MCOLN1: variants seen among roughly 807,000 people sequenced by gnomAD.
MCOLN1 encodes mucolipin TRP cation channel 1.
In MCOLN1, 50 loss-of-function variants were observed where a neutral mutation model predicts 70.3. The observed-to-expected ratio is 0.71, with a 90% CI of 0.57 to 0.90. MCOLN1 has a LOEUF of 0.90. Among genes scored for constraint, MCOLN1 ranks in the 40% least tolerant of loss-of-function variants. The pLI is 0.00. For missense variants in MCOLN1, 598 were observed against 803.5 expected, an observed-to-expected ratio of 0.74 and a Z score of 3.09; for synonymous variants, 366 against 341.0, an observed-to-expected ratio of 1.07 and a Z score of -0.81.
intron 12 of MCOLN1, among the ~76,000 whole-genome samples, chr19:7,533,113 C>G (rs1177497377): frequency 6.6e-6 from 1 of 152,252 alleles, no homozygotes; most frequent in Non-Finnish European, 1.5e-5. Flanking sequence ...GCCCTTGGAA[C>G]TACTTCCTGT....
In MCOLN1 at chr19:7,526,493, A is replaced by T. The variant is rs748188749; in HGVS notation, c.292A>T (p.Thr98Ser). The change falls in exon 3 of 14, where the codon ACC becomes TCC. Residue 98 changes from threonine to serine, a missense_variant. This residue lies in a region of MCOLN1 where 461 missense variants were observed against 588.4 expected (regional missense o/e 0.78). Transcript: ENST00000264079. This position sits in a 1 kb window ranked among gnomAD's most constrained non-coding sequence, Gnocchi z 4.6. ...GGCTGTGACATTCCGGGAAGAGAAC[A>T]CCATCGCCTTCCGACACCTCTTCCT... ...QLAVTFREEN[T>S]IAFRHLFLLG... The T allele has an allele frequency of 6.2e-7, 1 of 1,614,224 alleles. No individual in the cohort carries two copies. Among genetic ancestry groups the T allele is most frequent in the South Asian group, 1.1e-5 (1 of 91,088 alleles).
chr19:7,525,189 C>A lies in MCOLN1; in HGVS notation c.237+23C>A, dbSNP rs776754570. The stretch of plus-strand genomic sequence containing the variant: ...CAGGTGAGGCCAGCCAAGCAGGGGC[C>A]CCAGCTGAAGGCCACCTGTGGCTGC... On this transcript the variant is annotated intron_variant, in intron 2 of 13. Coordinates refer to ENST00000264079, the MANE Select transcript of MCOLN1 (RefSeq NM_020533.3). This position sits in a 1 kb window ranked among gnomAD's most constrained non-coding sequence, Gnocchi z 4.2. 2 of 1,611,304 alleles carry A rather than the reference C, an allele frequency of 1.2e-6. No homozygotes were observed. The highest frequency in any genetic ancestry group is 1.7e-6 in the Non-Finnish European group (2 of 1,178,040).
rs1264182663 is a variant in MCOLN1, at chr19:7,526,938, G to C, written c.571+12G>C. ...GATGGTGGTTACTGGTGAGTGGGCAGGACGAGGCTTCACTGTTGGGAGCCT... is the reference window on the plus strand; with the variant it reads ...GATGGTGGTTACTGGTGAGTGGGCACGACGAGGCTTCACTGTTGGGAGCCT... On this transcript the variant is annotated intron_variant, in intron 4 of 13. Coordinates refer to ENST00000264079, the MANE Select transcript of MCOLN1 (RefSeq NM_020533.3). The surrounding 1 kb of genome is among the most constrained non-coding windows in gnomAD (Gnocchi z 4.6). The C allele has an allele frequency of 6.2e-7, 1 of 1,614,042 alleles. No homozygotes were observed.
Position 7,528,095 on chromosome 19 carries a change from G to A in MCOLN1, c.778-63G>A, listed in dbSNP as rs1182206305. 1.3e-6 allele frequency: 2 copies of A among 1,582,826 alleles called. No homozygotes were observed. The highest frequency in any genetic ancestry group is 1.7e-6 in the Non-Finnish European group (2 of 1,151,752). On this transcript the variant is annotated intron_variant, in intron 6 of 13. Coordinates refer to ENST00000264079, the MANE Select transcript of MCOLN1 (RefSeq NM_020533.3). The surrounding 1 kb of genome is among the most constrained non-coding windows in gnomAD (Gnocchi z 4.2). ...GAGCCCGGGGTCTGTCAGGCCACCT[G>A]TCATGTGGACCTTGGGGCTTGGGGC... is the stretch of plus-strand genomic sequence containing the variant.
chr19:7,522,634 T>C lies in MCOLN1; in HGVS notation c.-117T>C. 1 of 1,113,130 alleles carries C rather than the reference T, an allele frequency of 9.0e-7. No individual in the cohort carries two copies. The highest frequency in any genetic ancestry group is 1.2e-6 in the Non-Finnish European group (1 of 820,086). 69.0% of individuals were successfully genotyped at this position (1,113,130 alleles called of 1,614,324 possible). On this transcript the variant is annotated 5_prime_UTR_variant, in exon 1 of 14. Transcript: ENST00000264079. The stretch of plus-strand genomic sequence containing the variant: ...TCACGTGACCGAGGCACAGATCAGC[T>C]GATGCCGGAGGGTTTGAAGCCGCGC...
At position 7,525,098 on chromosome 19, in the gene MCOLN1, C is replaced by T. The variant is rs765577483; in HGVS notation, c.169C>T (p.Arg57Ter). ...TTTCATGAGTCCCTGCGACAAGTTT[C>T]GAGCCAAGGGCCGCAAGCCCTGCAA... ...YFFMSPCDKF[R>*]AKGRKPCKLM... Residue 57 changes from arginine (R) to a stop codon, truncating the protein, a stop_gained, in exon 2 of 14, where the codon CGA (arginine) becomes TGA (stop). Transcript: ENST00000264079. LOFTEE classifies it high-confidence loss of function. The surrounding 1 kb of genome is among the most constrained non-coding windows in gnomAD (Gnocchi z 4.2). 8 of 1,614,178 alleles carry T rather than the reference C, an allele frequency of 5.0e-6. No homozygotes were observed. Among genetic ancestry groups the T allele is most frequent in the Admixed American group, 1.7e-5 (1 of 60,016 alleles).
At chr19:7,530,121 C>G (rs1210781690) in intron 11 of MCOLN1, among the ~76,000 whole-genome samples, 165 bp from the exon 12 acceptor site, 1 of 151,924 alleles carries the variant, frequency 6.6e-6, no homozygotes, top group African/African-American at 2.4e-5. Flanking sequence ...GGGGCCCTAG[C>G]CTGGAACCCG....
At chr19:7,530,159 G>A (rs1451425895) in intron 11 of MCOLN1, 127 bp from the exon 12 acceptor site, 4 of 788,906 alleles carry the variant, frequency 5.1e-6, no homozygotes, top group Non-Finnish European at 8.7e-6. Context: ...CGCAGCCCGG[G>A]ACCCGGCCAT....
Position 7,524,857 on chromosome 19 carries a change from G to A in MCOLN1, c.32-104G>A. The A allele has an allele frequency of 1.1e-6, 1 of 919,022 alleles. No individual in the cohort carries two copies. Among genetic ancestry groups the A allele is most frequent in the Non-Finnish European group, 1.8e-6 (1 of 569,060 alleles). The allele number at this position is 919,022 out of a possible 1,614,324, so 56.9% of individuals were successfully genotyped here. A position where few individuals can be genotyped will look rare whatever the true frequency, so the allele number is the denominator to read the frequency against. On this transcript the variant is annotated intron_variant, in intron 1 of 13. Coordinates refer to ENST00000264079, the MANE Select transcript of MCOLN1 (RefSeq NM_020533.3). The surrounding 1 kb of genome is among the most constrained non-coding windows in gnomAD (Gnocchi z 4.1). Reference sequence around the variant, plus strand: ...CTCTCAGAGCTCTTCCTTGGCAGGAGCATGGGGACATGAAGATAGGGCGTG... The same window carrying A: ...CTCTCAGAGCTCTTCCTTGGCAGGAACATGGGGACATGAAGATAGGGCGTG...
At chr19:7,529,808 G>T in intron 11 of MCOLN1, 96 bp downstream of exon 11, 1 of 1,446,080 alleles carries the variant, frequency 6.9e-7, no homozygotes. Context: ...CTGGGAGTCT[G>T]TCCACTGTCC....
chr19:7,529,887 A>G (rs1219886150), intron 11 of MCOLN1, among the ~76,000 whole-genome samples, 175 bp downstream of exon 11: 1 of 152,010 alleles, frequency 6.6e-6, no homozygotes, highest in Non-Finnish European at 1.5e-5. Context: ...TGATGACCCT[A>G]TTTCGACCTG....
chr19:7,528,916 C>T lies in MCOLN1; in HGVS notation c.1080C>T (p.Thr360=), dbSNP rs772240244. 4 of 1,614,158 alleles carry T rather than the reference C, an allele frequency of 2.5e-6. No individual in the cohort carries two copies. The Admixed American group carries it at 5.0e-5, about 20-fold the overall frequency. ...ATGGCTGGTACATCCTGCTCGTCAC[C>T]AGCGATGTGCTCACCATCTCGGGCA... is the stretch of plus-strand genomic sequence containing the variant. ...FVNGWYILLV[T]SDVLTISGTI... Residue 360 remains threonine (T), a synonymous_variant, in exon 9 of 14, where the codon ACC becomes ACT. Coordinates refer to ENST00000264079, the MANE Select transcript of MCOLN1 (RefSeq NM_020533.3). This position sits in a 1 kb window ranked among gnomAD's most constrained non-coding sequence, Gnocchi z 4.2.
chr19:7,526,654 C>T lies in MCOLN1; in HGVS notation c.405+48C>T, dbSNP rs376251815. 8.2e-5 allele frequency: 86 copies of T among 1,046,784 alleles called. No individual in the cohort carries two copies. The highest frequency in any genetic ancestry group is 1.0e-4 in the Non-Finnish European group (78 of 754,886). The allele number at this position is 1,046,784 out of a possible 1,614,324, so 64.8% of individuals were successfully genotyped here. A position where few individuals can be genotyped will look rare whatever the true frequency, so the allele number is the denominator to read the frequency against. ...TGGTGGGCAGGCAGGTGCAGGTGGGCGGGCAGGTGCAGTTGGGCGGGCAGG... is the reference window on the plus strand; with the variant it reads ...TGGTGGGCAGGCAGGTGCAGGTGGGTGGGCAGGTGCAGTTGGGCGGGCAGG... On this transcript the variant is annotated intron_variant, in intron 3 of 13. Transcript: ENST00000264079. The surrounding 1 kb of genome is among the most constrained non-coding windows in gnomAD (Gnocchi z 4.6).
In MCOLN1 at chr19:7,522,792, G is replaced by C. The variant is rs1471519469; in HGVS notation, c.31+11G>C. On this transcript the variant is annotated intron_variant, in intron 1 of 13. Coordinates refer to ENST00000264079, the MANE Select transcript of MCOLN1 (RefSeq NM_020533.3). ...GTCCGCGCGGCTCAGGTGAGGGCGC[G>C]GGCGGCACCGTGGGGCCCCGAACTC... is the stretch of plus-strand genomic sequence containing the variant. The C allele has an allele frequency of 7.5e-7, 1 of 1,334,704 alleles. No individual in the cohort carries two copies. Among genetic ancestry groups the C allele is most frequent in the Non-Finnish European group, 9.5e-7 (1 of 1,047,992 alleles). The allele number at this position is 1,334,704 out of a possible 1,614,324, so 82.7% of individuals were successfully genotyped here. A position where few individuals can be genotyped will look rare whatever the true frequency, so the allele number is the denominator to read the frequency against.
intron 9 of MCOLN1, 28 bp from the exon 10 acceptor site, chr19:7,529,073 G>C (rs755864188): frequency 1.2e-6 from 2 of 1,613,728 alleles, no homozygotes; most frequent in Admixed American, 1.7e-5. Flanking sequence ...GGCTGGGCCA[G>C]ATAGGTTGAC....
At chr19:7,529,569 G>A (rs765103022) in intron 10 of MCOLN1, 21 bp from the exon 11 acceptor site, 5 of 1,576,336 alleles carry the variant, frequency 3.2e-6, no homozygotes, top group African/African-American at 2.7e-5. Flanking sequence ...CCTCAACGAG[G>A]CTCCCTCTGC....
intron 12 of MCOLN1, among the ~76,000 whole-genome samples, chr19:7,532,781 G>A (rs1409620346): frequency 1.3e-5 from 2 of 152,214 alleles, no homozygotes; most frequent in African/African-American, 2.4e-5. Flanking sequence ...TTTAGCCTCT[G>A]ACTTGCACCA....
chr19:7,526,678 G>C lies in MCOLN1; in HGVS notation c.405+72G>C. ...GCGGGCAGGTGCAGTTGGGCGGGCAGGTGCTGGTGGGCGGGCAGGTGCAGG... is the reference window on the plus strand; with the variant it reads ...GCGGGCAGGTGCAGTTGGGCGGGCACGTGCTGGTGGGCGGGCAGGTGCAGG... On this transcript the variant is annotated intron_variant, in intron 3 of 13. Transcript: ENST00000264079. The surrounding 1 kb of genome is among the most constrained non-coding windows in gnomAD (Gnocchi z 4.6). 6.2e-7 allele frequency: 1 copy of C among 1,600,532 alleles called. No individual in the cohort carries two copies. The highest frequency in any genetic ancestry group is 8.5e-7 in the Non-Finnish European group (1 of 1,178,584).
At position 7,526,939 on chromosome 19, in the gene MCOLN1, G is replaced by T; in HGVS notation, c.571+13G>T. ...ATGGTGGTTACTGGTGAGTGGGCAG[G>T]ACGAGGCTTCACTGTTGGGAGCCTG... On this transcript the variant is annotated intron_variant, in intron 4 of 13. Transcript: ENST00000264079. This position sits in a 1 kb window ranked among gnomAD's most constrained non-coding sequence, Gnocchi z 4.6. 1 of 1,614,044 alleles carries T rather than the reference G, an allele frequency of 6.2e-7. No homozygotes were observed. The highest frequency in any genetic ancestry group is 2.2e-5 in the East Asian group (1 of 44,874).
Sources: allele counts gnomAD v4.1 joint callset (sites outside exome capture counted in the v4.1 genomes callset), GRCh38; gene constraint gnomAD v4.1.1; regional missense constraint gnomAD v4.1.1; non-coding constraint Gnocchi (gnomAD v3.1); transcripts MANE v1.5; gene names NCBI Gene and HGNC (gene_info 2026-07-23, HGNC 2026-07-21).